The following CYB5R1 variants were observed in gnomAD, a reference collection of about 807,000 sequenced individuals.
The protein encoded by CYB5R1 is cytochrome b5 reductase 1, also known as NADH-cytochrome b5 reductase 1.
A neutral mutation model predicts 37.4 loss-of-function variants in CYB5R1; 32 were observed. The observed-to-expected ratio is 0.86, with a 90% CI of 0.65 to 1.15. CYB5R1 has a LOEUF of 1.15. CYB5R1 is among the 50% of genes most tolerant of loss of function. CYB5R1 has a pLI of 0.00. For missense variants in CYB5R1, 345 were observed against 382.5 expected (o/e 0.90, Z 0.82); for synonymous variants, 159 against 155.2 (o/e 1.02, Z -0.18).
chr1:202,966,659 G>A (rs1655101586), intron 2 of CYB5R1, 59 bp from the exon 3 acceptor site: 6 of 1,613,514 alleles, frequency 3.7e-6, no homozygotes, highest in Non-Finnish European at 4.2e-6. Context: ...CACGTCCCTT[G>A]GACATCCCAA....
intron 5 of CYB5R1, chr1:202,964,907 C>T (rs545108980): frequency 5.2e-5 from 30 of 574,060 alleles, no homozygotes; most frequent in East Asian, 2.4e-4. Context: ...GTCAGTTCAG[C>T]GCCACACAAT....
chr1:202,962,857 G>T, intron 8 of CYB5R1, 158 bp from the exon 9 acceptor site: 1 of 1,042,842 alleles, frequency 9.6e-7, no homozygotes, highest in Non-Finnish European at 1.5e-6. Context: ...CTCAAGCTGA[G>T]CCTTAGCAGC....
In CYB5R1 at chr1:202,964,850, C is replaced by G. The variant is rs189022551; in HGVS notation, c.476-155G>C. 541 of 658,824 alleles carry G rather than the reference C, an allele frequency of 8.2e-4. 7 individuals carry two copies. In the East Asian group the frequency reaches 0.015, roughly 18 times the overall value. 40.8% of individuals were successfully genotyped at this position (658,824 alleles called of 1,614,324 possible). ...GGTGGAAGCTTGAGTTGAGCCAGCC[C>G]TGACAATAATATAGTTGAGGGACAA... On this transcript the variant is annotated intron_variant, in intron 5 of 8. Transcript: ENST00000367249.
At chr1:202,966,702 G>C in intron 2 of CYB5R1, 47 bp downstream of exon 2, 3 of 1,612,180 alleles carry the variant, frequency 1.9e-6, no homozygotes, top group South Asian at 1.1e-5. Flanking sequence ...CATGCCAGGA[G>C]CACTCTGGTC....
intron 1 of CYB5R1, 82 bp downstream of exon 1, chr1:202,967,109 G>A (rs1655113428): frequency 6.5e-7 from 1 of 1,526,968 alleles, no homozygotes; most frequent in Non-Finnish European, 9.0e-7. Flanking sequence ...GGTCGGCAGC[G>A]ACAGCCCCTG....
chr1:202,965,288 T>G, intron 5 of CYB5R1, 83 bp downstream of exon 5: 1 of 1,452,880 alleles, frequency 6.9e-7, no homozygotes, highest in African/African-American at 1.5e-5. Flanking sequence ...CATACACATG[T>G]GTACACACAG....
At chr1:202,966,194 G>A (rs1655089910) in intron 3 of CYB5R1, 2 of 596,046 alleles carry the variant, frequency 3.4e-6, no homozygotes, top group South Asian at 2.0e-5. Context: ...TATTTCCAGC[G>A]TTTCCTGCCA....
chr1:202,965,217 C>T (rs1655061279), intron 5 of CYB5R1, 154 bp downstream of exon 5: 3 of 860,442 alleles, frequency 3.5e-6, no homozygotes, highest in African/African-American at 3.5e-5. Context: ...GGCTGAGAAA[C>T]ATGCCTTTCT....
At chr1:202,963,862 C>G in intron 6 of CYB5R1, 135 bp from the exon 7 acceptor site, 1 of 502,294 alleles carries the variant, frequency 2.0e-6, no homozygotes, top group South Asian at 3.7e-5. Context: ...CATTCTCATC[C>G]TCTAAACTCT....
Position 202,962,642 on chromosome 1 carries a change from G to A in CYB5R1, c.803C>T (p.Ala268Val), listed in dbSNP as rs1220220528. The part of the protein sequence containing the change: ...TADMIREHLP[A>V]PGDDVLVLLC... ...CAGTACCAGCACATCATCCCCTGGA[G>A]CGGGCAGGTGTTCCCGGATCATGTC... is the stretch of plus-strand genomic sequence containing the variant. Residue 268 changes from alanine (A) to valine (V), a missense_variant, in exon 9 of 9, where the codon GCT (alanine) becomes GTT (valine). Coordinates refer to ENST00000367249, the MANE Select transcript of CYB5R1 (RefSeq NM_016243.3). The A allele has an allele frequency of 6.2e-7, 1 of 1,614,188 alleles. No individual in the cohort carries two copies.
chr1:202,966,021 G>C (rs933545286), intron 3 of CYB5R1, 28 bp from the exon 4 acceptor site: 2 of 1,457,860 alleles, frequency 1.4e-6, no homozygotes, highest in African/African-American at 2.8e-5. Context: ...AGCTACATAA[G>C]GGTTGTCTGT....
At position 202,967,197 on chromosome 1, in the gene CYB5R1, G is replaced by A. The variant is rs767282339; in HGVS notation, c.9C>T (p.Ile3=). Reference sequence around the variant, plus strand: ...TACTGAATGAGGGTCTTACCGTCTGGATCCCCATGACGGAGCGCCTTTTCC... The same window carrying A: ...TACTGAATGAGGGTCTTACCGTCTGAATCCCCATGACGGAGCGCCTTTTCC... MG[I]QTSPVLLASL... Residue 3 remains isoleucine, a synonymous_variant, in exon 1 of 9, where the codon ATC becomes ATT. Transcript: ENST00000367249. The A allele has an allele frequency of 6.2e-7, 1 of 1,611,674 alleles. No individual in the cohort carries two copies. Among genetic ancestry groups the A allele is most frequent in the South Asian group, 1.1e-5 (1 of 90,898 alleles).
At chr1:202,964,821 C>T (rs915511589) in intron 5 of CYB5R1, 126 bp from the exon 6 acceptor site, 3 of 727,040 alleles carry the variant, frequency 4.1e-6, no homozygotes, top group Non-Finnish European at 7.4e-6. Context: ...GATCCTGGAG[C>T]TTGGGTGGAA....
chr1:202,963,929 C>T, intron 6 of CYB5R1: 1 of 448,802 alleles, frequency 2.2e-6, no homozygotes, highest in Non-Finnish European at 4.0e-6. Flanking sequence ...CATCTAAGTT[C>T]ATATTGTAGA....
rs2232842 is a variant in CYB5R1 at position 202,966,783 on chromosome 1, T to C, written c.131A>G (p.Asn44Ser). 101,080 of 1,613,964 alleles carry C rather than the reference T, an allele frequency of 0.063. 8,611 individuals are homozygous for C. Among genetic ancestry groups the C allele is most frequent in the East Asian group, 0.43 (19,333 of 44,852 alleles). ...TAGCAGTCGTAGCAGGTACTTTTCA[T>C]TGGGGTCCAGGAGAGTGACCTGAGG... ...RRPQVTLLDPNEKYLLRLLDK... is the reference protein window; with the variant it reads ...RRPQVTLLDPSEKYLLRLLDK... Residue 44 changes from asparagine to serine, a missense_variant, in exon 2 of 9, where the codon AAT becomes AGT. Transcript: ENST00000367249.
chr1:202,965,197 T>C (rs1655061047), intron 5 of CYB5R1, 174 bp downstream of exon 5: 1 of 716,246 alleles, frequency 1.4e-6, no homozygotes, highest in Non-Finnish European at 2.2e-6. Flanking sequence ...CTGCTTCCTG[T>C]GGCAAATGGG....
At position 202,965,413 on chromosome 1, in the gene CYB5R1, C is replaced by G. The variant is rs562894187; in HGVS notation, c.433G>C (p.Glu145Gln). The G allele has an allele frequency of 4.0e-5, 65 of 1,606,692 alleles. 1 individual carries two copies. In the South Asian group the frequency reaches 6.9e-4, roughly 17 times the overall value. ...LDSLKVGDVV[E>Q]FRGPSGLLTY... ...AGCAACCCGCTTGGCCCCCGAAACT[C>G]CACCACATCCCCAACCTTCAGGCTA... is the stretch of plus-strand genomic sequence containing the variant. The change falls in exon 5 of 9, where the codon GAG becomes CAG. Residue 145 changes from glutamate to glutamine, a missense_variant. Physicochemically the swap from Glu to Gln is conservative, Grantham distance 29. Transcript: ENST00000367249.
chr1:202,963,924 A>G (rs1655040935), intron 6 of CYB5R1, 197 bp from the exon 7 acceptor site: 1 of 448,406 alleles, frequency 2.2e-6, no homozygotes, highest in African/African-American at 2.0e-5. Context: ...AAATTCATCT[A>G]AGTTCATATT....
chr1:202,962,839 C>A, intron 8 of CYB5R1, 140 bp from the exon 9 acceptor site: 1 of 1,127,104 alleles, frequency 8.9e-7, no homozygotes, highest in South Asian at 1.3e-5. Context: ...TGGGTATACT[C>A]AGCCTGCCTC....
Sources: gnomAD v4.1 joint callset for allele counts on GRCh38, gnomAD v4.1.1 for gene constraint, MANE v1.5 for transcripts, NCBI Gene and HGNC (gene_info 2026-07-23, HGNC 2026-07-21) for gene names.